PIEZO2: variants seen among roughly 807,000 people sequenced by gnomAD.
PIEZO2 encodes piezo type mechanosensitive ion channel component 2.
Under a neutral mutation model 337.3 loss-of-function variants are expected in PIEZO2, and 172 were observed. The observed-to-expected ratio is 0.51, with a 90% CI of 0.45 to 0.58. PIEZO2 has a LOEUF of 0.58. PIEZO2 is among the 20% of genes least tolerant of loss of function. The pLI, the probability that PIEZO2 is intolerant of heterozygous loss-of-function variation, is 0.00. For synonymous variants in PIEZO2, 1,251 were observed against 1,228.5 expected (o/e 1.02, Z -0.38); for missense variants, 3,028 against 3,391.3 (o/e 0.89, Z 2.66).
intron 3 of PIEZO2, among the ~76,000 whole-genome samples, chr18:10,939,625 G>A (rs1047292392): frequency 6.6e-6 from 1 of 152,168 alleles, no homozygotes; most frequent in Non-Finnish European, 1.5e-5. Flanking sequence ...CAGGGACATG[G>A]ATGAAGCTGG....
At position 10,813,220 on chromosome 18, in the gene PIEZO2, T is replaced by C. The variant is rs1479494892; in HGVS notation, c.918-5946A>G. On this transcript the variant is annotated intron_variant, in intron 7 of 55. Coordinates refer to ENST00000674853, the MANE Select transcript of PIEZO2 (RefSeq NM_001378183.1). The surrounding 1 kb of genome is among the most constrained non-coding windows in gnomAD (Gnocchi z 4.2). ...GGTCTCCAACTCCTGACCTCGTGAT[T>C]TGCCCGCCTGGGCCTCCCAAAGTGC... Among the ~76,000 whole-genome samples, 1 of 152,092 alleles carries C rather than the reference T, an allele frequency of 6.6e-6. No homozygotes were observed. The highest frequency in any genetic ancestry group is 1.5e-5 in the Non-Finnish European group (1 of 67,994).
chr18:10,880,081 G>A (rs962100124), intron 4 of PIEZO2, among the ~76,000 whole-genome samples: 1 of 152,124 alleles, frequency 6.6e-6, no homozygotes, highest in Non-Finnish European at 1.5e-5. Context: ...AAAGCTGGTT[G>A]GTAGATACAA....
At chr18:10,922,722 C>A (rs951986697) in intron 3 of PIEZO2, among the ~76,000 whole-genome samples, 2 of 152,010 alleles carry the variant, frequency 1.3e-5, no homozygotes, top group Non-Finnish European at 2.9e-5. Flanking sequence ...GGAGTTCAGG[C>A]AGGACTCATA....
At chr18:10,919,631 G>C (rs1244716413) in intron 3 of PIEZO2, among the ~76,000 whole-genome samples, 1 of 152,084 alleles carries the variant, frequency 6.6e-6, no homozygotes, top group Non-Finnish European at 1.5e-5. Context: ...TGCATGGAGG[G>C]TACTGCAACA....
At chr18:10,718,146 G>A in intron 37 of PIEZO2, 54 bp downstream of exon 37, 1 of 1,412,550 alleles carries the variant, frequency 7.1e-7, no homozygotes, top group Non-Finnish European at 9.7e-7. Flanking sequence ...ATACGATCTG[G>A]GCAGGTATCA....
At chr18:11,081,836 T>C (rs1032412079) in intron 1 of PIEZO2, among the ~76,000 whole-genome samples, 1 of 151,776 alleles carries the variant, frequency 6.6e-6, no homozygotes, top group African/African-American at 2.4e-5. Flanking sequence ...CTCAGCTTAC[T>C]GCAACCTCCA....
Position 10,758,526 on chromosome 18 carries a change from A to T in PIEZO2, c.3758-392T>A, listed in dbSNP as rs573121661. On this transcript the variant is annotated intron_variant, in intron 26 of 55. Coordinates refer to ENST00000674853, the MANE Select transcript of PIEZO2 (RefSeq NM_001378183.1). ...AGTGGTGCGATCTTGGCTCACTGCA[A>T]GCCCCACCTCCTGGGTTCACACCAT... Among the ~76,000 whole-genome samples the T allele has an allele frequency of 4.6e-5, 7 of 152,196 alleles. No individual in the cohort carries two copies. In the South Asian group the frequency reaches 1.5e-3, roughly 32 times the overall value.
rs1021451240 is a variant in PIEZO2 at position 10,952,798 on chromosome 18, C to A, written c.286+26737G>T. Among the ~76,000 whole-genome samples the A allele has an allele frequency of 6.6e-6, 1 of 152,048 alleles. No individual in the cohort carries two copies. The highest frequency in any genetic ancestry group is 1.5e-5 in the Non-Finnish European group (1 of 68,018). On this transcript the variant is annotated intron_variant, in intron 3 of 55. Coordinates refer to ENST00000674853, the MANE Select transcript of PIEZO2 (RefSeq NM_001378183.1). The surrounding 1 kb of genome is among the most constrained non-coding windows in gnomAD (Gnocchi z 4.1). Reference sequence around the variant, plus strand: ...AAGTGTCTATATAATTGTACATTCCCGCCAGAAATGTATTTGAATTCCAAG... The same window carrying A: ...AAGTGTCTATATAATTGTACATTCCAGCCAGAAATGTATTTGAATTCCAAG...
At chr18:10,823,323 T>C (rs1365564221) in intron 7 of PIEZO2, among the ~76,000 whole-genome samples, 1 of 152,182 alleles carries the variant, frequency 6.6e-6, no homozygotes, top group African/African-American at 2.4e-5. Context: ...ATTTTGGAGA[T>C]TACTTCTAAC....
At chr18:10,741,754 G>A (rs184976588) in intron 32 of PIEZO2, among the ~76,000 whole-genome samples, 6 of 152,188 alleles carry the variant, frequency 3.9e-5, no homozygotes, top group African/African-American at 1.4e-4. Context: ...AGGTACCAAT[G>A]GTCAGGTGCC....
intron 7 of PIEZO2, among the ~76,000 whole-genome samples, chr18:10,825,568 T>TTTTTTTTTTA (rs2040647679): frequency 1.3e-5 from 2 of 149,092 alleles, no homozygotes; most frequent in African/African-American, 5.0e-5. Context: ...TTTTTTTTTT[T>TTTTTTTTTTA]GAGACAGAAT....
chr18:11,044,239 A>T (rs1017169608), intron 2 of PIEZO2, among the ~76,000 whole-genome samples: 1 of 150,964 alleles, frequency 6.6e-6, no homozygotes, highest in East Asian at 1.9e-4. Flanking sequence ...TACCTCAGGA[A>T]ATTGTTGTAT....
chr18:10,795,353 TA>T lies in PIEZO2; in HGVS notation c.1528-352del, dbSNP rs1568066576. 5.5e-4 allele frequency among the ~76,000 whole-genome samples: 15 copies of T among 27,348 alleles called. No individual in the cohort carries two copies. Among genetic ancestry groups the T allele is most frequent in the African/African-American group, 1.0e-3 (11 of 10,968 alleles). The allele number at this position is 27,348 out of a possible 152,430, so 17.9% of individuals were successfully genotyped here. A position where few individuals can be genotyped will look rare whatever the true frequency, so the allele number is the denominator to read the frequency against. On this transcript the variant is annotated intron_variant, in intron 12 of 55. Coordinates refer to ENST00000674853, the MANE Select transcript of PIEZO2 (RefSeq NM_001378183.1). The surrounding 1 kb of genome is among the most constrained non-coding windows in gnomAD (Gnocchi z 4.4). Reference sequence around the variant, plus strand: ...TTTATTTTATTTTATTTTATTTTATTATTTTATTTTATTTTATTTTATTTTA... The same window carrying T: ...TTTATTTTATTTTATTTTATTTTATTTTTTATTTTATTTTATTTTATTTTA...
intron 7 of PIEZO2, among the ~76,000 whole-genome samples, chr18:10,823,648 G>A (rs547082726): frequency 2.0e-5 from 3 of 152,290 alleles, no homozygotes; most frequent in African/African-American, 7.2e-5. Context: ...AGTACAGAGT[G>A]TGTGGAGAAA....
intron 2 of PIEZO2, among the ~76,000 whole-genome samples, chr18:11,034,316 G>C (rs1346870762): frequency 7.2e-6 from 1 of 138,554 alleles, no homozygotes. Context: ...TTTTCTTTTT[G>C]GCGGCGTCTA....
chr18:11,062,072 T>C (rs1247305090), intron 2 of PIEZO2, among the ~76,000 whole-genome samples: 7 of 152,002 alleles, frequency 4.6e-5, no homozygotes, highest in Non-Finnish European at 1.0e-4. Context: ...TATAGACCAA[T>C]GGAACAGAAC....
chr18:11,060,851 C>A (rs1770581848), intron 2 of PIEZO2, among the ~76,000 whole-genome samples: 3 of 127,652 alleles, frequency 2.4e-5, no homozygotes, highest in Non-Finnish European at 3.3e-5. Context: ...GGTACCATTC[C>A]TTCTGAAACT....
intron 32 of PIEZO2, among the ~76,000 whole-genome samples, chr18:10,741,432 C>A (rs1188484335): frequency 2.6e-5 from 4 of 152,112 alleles, no homozygotes; most frequent in African/African-American, 4.8e-5. Context: ...AAGGAAGCAT[C>A]CCCCAAATTT....
At chr18:10,971,263 C>T (rs1412841196) in intron 3 of PIEZO2, among the ~76,000 whole-genome samples, 1 of 152,164 alleles carries the variant, frequency 6.6e-6, no homozygotes, top group African/African-American at 2.4e-5. Flanking sequence ...CTGGCGACAG[C>T]CTCAGGATCT....
Sources: allele counts gnomAD v4.1 joint callset (sites outside exome capture counted in the v4.1 genomes callset), GRCh38; gene constraint gnomAD v4.1.1; non-coding constraint Gnocchi (gnomAD v3.1); transcripts MANE v1.5; gene names NCBI Gene and HGNC (gene_info 2026-07-23, HGNC 2026-07-21).